The following B4GALT5 variants were observed in gnomAD, a reference collection of about 807,000 sequenced individuals.
B4GALT5 encodes beta-1,4-galactosyltransferase 5.
A neutral mutation model predicts 45.0 loss-of-function variants in B4GALT5; 11 were observed. The ratio of observed to expected loss-of-function variants is 0.24; its 90% confidence interval spans 0.15 to 0.40. The LOEUF is 0.40. Among genes scored for constraint, B4GALT5 ranks in the 10% least tolerant of loss-of-function variants. B4GALT5 has a pLI of 1.00. For missense variants in B4GALT5, 337 were observed against 500.2 expected (o/e 0.67, Z 3.11); for synonymous variants, 185 against 182.9 (o/e 1.01, Z -0.09).
rs754450995 is a variant in B4GALT5 at position 49,713,652 on chromosome 20, G to A, written c.39C>T (p.Arg13=). The part of the protein sequence containing the change: ...ARRGLLRLPR[R]SLLAALFFFS... The stretch of plus-strand genomic sequence containing the variant: ...AGAAGAAGAGCGCGGCGAGCAGCGA[G>A]CGGCGCGGCAGCCGCAGCAGCCCCC... The change falls in exon 1 of 9, where the codon CGC becomes CGT. Residue 13 remains arginine (R), a synonymous_variant. Transcript: ENST00000371711. 3.8e-6 allele frequency: 6 copies of A among 1,568,896 alleles called. No homozygotes were observed. Among genetic ancestry groups the A allele is most frequent in the Non-Finnish European group, 5.2e-6 (6 of 1,160,282 alleles).
intron 1 of B4GALT5, among the ~76,000 whole-genome samples, chr20:49,696,079 T>A (rs2085838512): frequency 6.6e-6 from 1 of 152,244 alleles, no homozygotes; most frequent in Non-Finnish European, 1.5e-5. Flanking sequence ...ATGGAAATAA[T>A]CGCAGTAAAT....
intron 1 of B4GALT5, among the ~76,000 whole-genome samples, chr20:49,704,114 C>T (rs1410192280): frequency 6.6e-6 from 1 of 152,162 alleles, no homozygotes; most frequent in African/African-American, 2.4e-5. Flanking sequence ...GTCTACCAAT[C>T]AGCAAATACA....
chr20:49,681,454 C>T (rs1321841736), intron 1 of B4GALT5, among the ~76,000 whole-genome samples: 3 of 152,104 alleles, frequency 2.0e-5, no homozygotes, highest in African/African-American at 7.2e-5. Flanking sequence ...TCTCGATCTA[C>T]ACTCACTCCC....
chr20:49,703,495 C>T (rs1305171187), intron 1 of B4GALT5, among the ~76,000 whole-genome samples: 2 of 152,132 alleles, frequency 1.3e-5, no homozygotes, highest in Non-Finnish European at 2.9e-5. Flanking sequence ...AAGGAAATTA[C>T]AATCCAGAAA....
chr20:49,677,515 T>C (rs762004838), intron 1 of B4GALT5, among the ~76,000 whole-genome samples: 1 of 152,208 alleles, frequency 6.6e-6, no homozygotes, highest in Non-Finnish European at 1.5e-5. Flanking sequence ...TTGGTAATTA[T>C]GTTAAAGTAA....
At chr20:49,643,023 G>A (rs1461419777) in intron 4 of B4GALT5, among the ~76,000 whole-genome samples, 2 of 152,230 alleles carry the variant, frequency 1.3e-5, no homozygotes, top group Non-Finnish European at 2.9e-5. Flanking sequence ...CACTTAACGA[G>A]GCTGGCACAG....
chr20:49,678,585 C>T (rs2085749715), intron 1 of B4GALT5, among the ~76,000 whole-genome samples: 1 of 152,212 alleles, frequency 6.6e-6, no homozygotes, highest in Non-Finnish European at 1.5e-5. Context: ...GCATAAAATA[C>T]ATAATCACTG....
At chr20:49,696,257 A>C (rs2146357269) in intron 1 of B4GALT5, among the ~76,000 whole-genome samples, 1 of 152,358 alleles carries the variant, frequency 6.6e-6, no homozygotes, top group East Asian at 1.9e-4. Flanking sequence ...CAGGTTTCTG[A>C]GAAGAGCTTT....
intron 1 of B4GALT5, among the ~76,000 whole-genome samples, chr20:49,686,728 CAAAA>C (rs59766440): frequency 0.027 from 1,625 of 59,470 alleles, 38 homozygotes; most frequent in African/African-American, 0.11. Flanking sequence ...TGTCTCTGCC[CAAAA>C]AAAAAAAAAA....
At chr20:49,650,637 TAAACAAAC>T (rs150243530) in intron 2 of B4GALT5, among the ~76,000 whole-genome samples, 1 of 151,738 alleles carries the variant, frequency 6.6e-6, no homozygotes, top group Non-Finnish European at 1.5e-5. Context: ...AACTCCATCA[TAAACAAAC>T]AAACAAACAA....
intron 1 of B4GALT5, among the ~76,000 whole-genome samples, chr20:49,667,057 C>A (rs1206874177): frequency 6.6e-6 from 1 of 152,148 alleles, no homozygotes; most frequent in Non-Finnish European, 1.5e-5. Flanking sequence ...AAACTCAGGT[C>A]TGAATACGCA....
chr20:49,710,136 C>A (rs114368249), intron 1 of B4GALT5, among the ~76,000 whole-genome samples: 154 of 152,328 alleles, frequency 1.0e-3, no homozygotes, highest in African/African-American at 3.5e-3. Context: ...TCTACTATTT[C>A]TGAATCTCTT....
At position 49,695,472 on chromosome 20, in the gene B4GALT5, C is replaced by T. The variant is rs921208574; in HGVS notation, c.115+18104G>A. ...CTGTCGCCAAGCTGGAGCGCAATGG[C>T]GCAATCTCGGCTCACTGTAACCTCC... is the stretch of plus-strand genomic sequence containing the variant. On this transcript the variant is annotated intron_variant, in intron 1 of 8. Transcript: ENST00000371711. 4.0e-5 allele frequency among the ~76,000 whole-genome samples: 6 copies of T among 151,030 alleles called. No individual in the cohort carries two copies. The South Asian group carries it at 6.3e-4, about 16-fold the overall frequency.
intron 1 of B4GALT5, among the ~76,000 whole-genome samples, chr20:49,702,174 G>A (rs1475035364): frequency 6.6e-6 from 1 of 152,168 alleles, no homozygotes; most frequent in Non-Finnish European, 1.5e-5. Flanking sequence ...CGTGTCGCCT[G>A]CCGAATCCGA....
intron 1 of B4GALT5, among the ~76,000 whole-genome samples, chr20:49,705,569 G>A (rs567844002): frequency 6.6e-6 from 1 of 152,282 alleles, no homozygotes; most frequent in South Asian, 2.1e-4. Context: ...TTACACACAA[G>A]CATGTCACCA....
intron 1 of B4GALT5, among the ~76,000 whole-genome samples, chr20:49,666,762 A>C (rs960094848): frequency 1.2e-4 from 18 of 152,242 alleles, no homozygotes; most frequent in African/African-American, 4.1e-4. Flanking sequence ...GTATCTGCAA[A>C]ACCTGCATTA....
chr20:49,661,795 TAA>T (rs1332339744), intron 1 of B4GALT5, among the ~76,000 whole-genome samples: 1 of 152,202 alleles, frequency 6.6e-6, no homozygotes, highest in Non-Finnish European at 1.5e-5. Context: ...TGCAGTGTGG[TAA>T]ATGCGACAAC....
chr20:49,713,230 G>C (rs2085926583), intron 1 of B4GALT5, among the ~76,000 whole-genome samples: 1 of 151,786 alleles, frequency 6.6e-6, no homozygotes, highest in South Asian at 2.1e-4. Context: ...GGAAGCGGGA[G>C]TTCTCGAGCA....
At chr20:49,693,648 A>T (rs1020758961) in intron 1 of B4GALT5, among the ~76,000 whole-genome samples, 3 of 152,260 alleles carry the variant, frequency 2.0e-5, no homozygotes, top group Admixed American at 1.3e-4. Context: ...ATTCATGGTT[A>T]CATATCATCA....
Sources: allele counts gnomAD v4.1 joint callset (sites outside exome capture counted in the v4.1 genomes callset), GRCh38; gene constraint gnomAD v4.1.1; transcripts MANE v1.5; gene names NCBI Gene and HGNC (gene_info 2026-07-23, HGNC 2026-07-21).